The following SPINDOC variants were observed in gnomAD, a reference collection of about 807,000 sequenced individuals.
SPINDOC encodes spindlin interactor and repressor of chromatin-binding protein.
Under a neutral mutation model 30.7 loss-of-function variants are expected in SPINDOC, and 13 were observed. That is an observed-to-expected ratio of 0.42 (90% CI 0.28 to 0.67). The LOEUF is 0.67. SPINDOC is among the 30% of genes least tolerant of loss of function. The pLI is 0.22. For synonymous variants in SPINDOC, 228 were observed against 211.4 expected (o/e 1.08, Z -0.68); for missense variants, 438 against 518.0 (o/e 0.85, Z 1.50).
At chr11:63,814,529 G>T (rs1002336767) in intron 1 of SPINDOC, among the ~76,000 whole-genome samples, 3 of 152,136 alleles carry the variant, frequency 2.0e-5, no homozygotes, top group African/African-American at 7.2e-5. Flanking sequence ...TAGTCCTCAG[G>T]AGCTTGCAAA....
intron 5 of SPINDOC, among the ~76,000 whole-genome samples, chr11:63,821,622 G>A (rs1444229577): frequency 6.6e-6 from 1 of 152,214 alleles, no homozygotes. Flanking sequence ...TCTTGAAGAA[G>A]TGAATAGGTA....
At chr11:63,824,640 C>T (rs748440059) in intron 5 of SPINDOC, among the ~76,000 whole-genome samples, 5 of 151,992 alleles carry the variant, frequency 3.3e-5, no homozygotes, top group Non-Finnish European at 5.9e-5. Context: ...CCCACCTTGG[C>T]TGCTCCTTCC....
chr11:63,816,359 A>G (rs150320958), intron 1 of SPINDOC, among the ~76,000 whole-genome samples: 7,953 of 152,314 alleles, frequency 0.052, 317 homozygotes, highest in South Asian at 0.15. Context: ...GGTGATCGGC[A>G]GAGGATGAAG....
At position 63,818,865 on chromosome 11, in the gene SPINDOC, C is replaced by A. The variant is rs2015426951; in HGVS notation, c.797C>A (p.Thr266Asn). 6.2e-7 allele frequency: 1 copy of A among 1,614,016 alleles called. No homozygotes were observed. The highest frequency in any genetic ancestry group is 1.7e-5 in the Admixed American group (1 of 60,012). The change falls in exon 5 of 6, where the codon ACT (threonine) becomes AAT (asparagine). Residue 266 changes from threonine to asparagine, a missense_variant. Transcript: ENST00000294244. The surrounding 1 kb of genome is among the most constrained non-coding windows in gnomAD (Gnocchi z 5.3). ...GCACCAGCCGAGGTCCGACACTTCA[C>A]TGACGGCAGCTTCCCCGCCGGCTTC... is the stretch of plus-strand genomic sequence containing the variant. ...FAAPAEVRHF[T>N]DGSFPAGFVL...
In SPINDOC at chr11:63,818,980, C is replaced by T; in HGVS notation, c.912C>T (p.Pro304=). The change falls in exon 5 of 6, where the codon CCC becomes CCT. Residue 304 remains proline (P), a synonymous_variant. Coordinates refer to ENST00000294244, the MANE Select transcript of SPINDOC (RefSeq NM_138471.3). The surrounding 1 kb of genome is among the most constrained non-coding windows in gnomAD (Gnocchi z 5.3). The part of the protein sequence containing the change: ...KDREVAEGGL[P]RAESPSPAPP... ...GGGAAGTGGCAGAAGGAGGCCTTCC[C>T]CGGGCGGAGAGCCCCTCTCCAGGTG... 1 of 1,613,892 alleles carries T rather than the reference C, an allele frequency of 6.2e-7. No individual in the cohort carries two copies. The highest frequency in any genetic ancestry group is 1.7e-4 in the Middle Eastern group (1 of 6,060).
At chr11:63,823,160 T>G (rs931356157) in intron 5 of SPINDOC, 2 of 1,288,968 alleles carry the variant, frequency 1.6e-6, no homozygotes, top group African/African-American at 3.0e-5. Flanking sequence ...GCAGTAAATC[T>G]TTAAAAACCA....
At position 63,818,208 on chromosome 11, in the gene SPINDOC, C is replaced by G; in HGVS notation, c.458-8C>G. 1 of 1,614,074 alleles carries G rather than the reference C, an allele frequency of 6.2e-7. No individual in the cohort carries two copies. The highest frequency in any genetic ancestry group is 8.5e-7 in the Non-Finnish European group (1 of 1,180,000). ...ACTAGAAGCTCATTGTGCTCTTGCTCCCTGCAGACTCGGGCCAGGATGCCC... is the reference window on the plus strand; with the variant it reads ...ACTAGAAGCTCATTGTGCTCTTGCTGCCTGCAGACTCGGGCCAGGATGCCC... On this transcript the variant is annotated splice_region_variant and splice_polypyrimidine_tract_variant and intron_variant, in intron 2 of 5. Coordinates refer to ENST00000294244, the MANE Select transcript of SPINDOC (RefSeq NM_138471.3). This position sits in a 1 kb window ranked among gnomAD's most constrained non-coding sequence, Gnocchi z 5.3.
rs558228643 is a variant in SPINDOC, at chr11:63,821,203, C to T, written c.934+2201C>T. ...ATCTATTTTCTTGACTTGCCCAGCT[C>T]CTAGAGGCTGCCTGCATTTCTTGGC... On this transcript the variant is annotated intron_variant, in intron 5 of 5. Transcript: ENST00000294244. Among the ~76,000 whole-genome samples, 10 of 152,250 alleles carry T rather than the reference C, an allele frequency of 6.6e-5. No individual in the cohort carries two copies. In the East Asian group the frequency reaches 9.6e-4, roughly 15 times the overall value.
chr11:63,827,581 A>C lies in SPINDOC; in HGVS notation c.*442A>C. ...CAGGCTTCTAAACCAGGAGGCCTCC[A>C]TTACCTCTTCCTGTCCCACCCCTGC... On this transcript the variant is annotated 3_prime_UTR_variant, in exon 6 of 6. Transcript: ENST00000294244. 4.6e-6 allele frequency: 1 copy of C among 216,182 alleles called. No homozygotes were observed. Among genetic ancestry groups the C allele is most frequent in the Non-Finnish European group, 9.4e-6 (1 of 105,824 alleles). The allele number at this position is 216,182 out of a possible 1,614,324, so 13.4% of individuals were successfully genotyped here.
At chr11:63,824,458 A>G (rs553353801) in intron 5 of SPINDOC, among the ~76,000 whole-genome samples, 1 of 152,236 alleles carries the variant, frequency 6.6e-6, no homozygotes, top group African/African-American at 2.4e-5. Flanking sequence ...GTCCTGCACT[A>G]TAATATCTGC....
rs763893784 is a variant in SPINDOC at position 63,817,791 on chromosome 11, C to A, written c.128-14C>A. On this transcript the variant is annotated splice_polypyrimidine_tract_variant and intron_variant, in intron 1 of 5. Coordinates refer to ENST00000294244, the MANE Select transcript of SPINDOC (RefSeq NM_138471.3). ...CACCTTTAGTGATAACACCCTCCCC[C>A]TCTCCCCTCGCAGTGACCCAACAGG... is the stretch of plus-strand genomic sequence containing the variant. 2.4e-5 allele frequency: 37 copies of A among 1,544,382 alleles called. No homozygotes were observed. The highest frequency in any genetic ancestry group is 3.0e-5 in the Non-Finnish European group (34 of 1,143,356).
Position 63,818,667 on chromosome 11 carries a change from C to CG in SPINDOC, c.733+20dup. 6.2e-7 allele frequency: 1 copy of CG among 1,613,180 alleles called. No individual in the cohort carries two copies. The stretch of plus-strand genomic sequence containing the variant: ...CCCTGACCCAGGTGAAGGGGAGGCC[C>CG]GGGGGAGGCGTGGGCTCTGGCCGCA... On this transcript the variant is annotated intron_variant, in intron 4 of 5. Coordinates refer to ENST00000294244, the MANE Select transcript of SPINDOC (RefSeq NM_138471.3). This position sits in a 1 kb window ranked among gnomAD's most constrained non-coding sequence, Gnocchi z 5.3.
chr11:63,823,806 G>T (rs2015589382), intron 5 of SPINDOC, among the ~76,000 whole-genome samples: 1 of 152,006 alleles, frequency 6.6e-6, no homozygotes, highest in South Asian at 2.1e-4. Flanking sequence ...CACTGTGTTA[G>T]CCAGGATGGT....
chr11:63,822,965 T>C, intron 5 of SPINDOC: 1 of 1,136,454 alleles, frequency 8.8e-7, no homozygotes, highest in Non-Finnish European at 1.2e-6. Flanking sequence ...GCGGAGGCAA[T>C]TGTAGGGTGT....
At chr11:63,826,888 T>TG (rs772214848) in intron 5 of SPINDOC, 40 bp from the exon 6 acceptor site, 40 of 1,023,412 alleles carry the variant, frequency 3.9e-5, no homozygotes, top group Non-Finnish European at 5.7e-5. Flanking sequence ...GTGGGGTGTC[T>TG]GGGGGGCTCT....
chr11:63,818,245 G>T lies in SPINDOC; in HGVS notation c.487G>T (p.Asp163Tyr). Residue 163 changes from aspartate (D) to tyrosine (Y), a missense_variant, in exon 3 of 6, where the codon GAC (aspartate) becomes TAC (tyrosine). Around this residue, in one of 3 missense-constraint regions of SPINDOC, gnomAD observed 300 missense variants for 332.8 expected, o/e 0.90. Coordinates refer to ENST00000294244, the MANE Select transcript of SPINDOC (RefSeq NM_138471.3). The surrounding 1 kb of genome is among the most constrained non-coding windows in gnomAD (Gnocchi z 5.3). ...GGGCCAGGATGCCCACCCAGACCCA[G>T]ACGCCAACCCAGACGCTGCCAGAAT... is the stretch of plus-strand genomic sequence containing the variant. ...DSGQDAHPDP[D>Y]ANPDAARMPA... The T allele has an allele frequency of 6.2e-7, 1 of 1,613,990 alleles. No homozygotes were observed. Among genetic ancestry groups the T allele is most frequent in the Non-Finnish European group, 8.5e-7 (1 of 1,179,988 alleles).
rs1163079351 is a variant in SPINDOC, at chr11:63,818,625, A to G, written c.706A>G (p.Met236Val). The change falls in exon 4 of 6, where the codon ATG (methionine) becomes GTG (valine). Residue 236 changes from methionine to valine, a missense_variant. Met to Val is a conservative substitution (Grantham distance 21). This residue lies in a region of SPINDOC where 300 missense variants were observed against 332.8 expected (regional missense o/e 0.90). Transcript: ENST00000294244. The surrounding 1 kb of genome is among the most constrained non-coding windows in gnomAD (Gnocchi z 5.3). The part of the protein sequence containing the change: ...EPVRKKRGRP[M>V]TKNLDPDPEP... Reference sequence around the variant, plus strand: ...AGTCAGAAAGAAAAGAGGCAGACCTATGACCAAAAACCTGGACCCTGACCC... The same window carrying G: ...AGTCAGAAAGAAAAGAGGCAGACCTGTGACCAAAAACCTGGACCCTGACCC... 1 of 1,613,776 alleles carries G rather than the reference A, an allele frequency of 6.2e-7. No homozygotes were observed. The highest frequency in any genetic ancestry group is 1.1e-5 in the South Asian group (1 of 91,078).
chr11:63,814,173 C>A (rs1480084004), intron 1 of SPINDOC, among the ~76,000 whole-genome samples: 1 of 152,230 alleles, frequency 6.6e-6, no homozygotes, highest in Non-Finnish European at 1.5e-5. Context: ...GTCTCACAGC[C>A]TGGGAAGGGG....
intron 5 of SPINDOC, among the ~76,000 whole-genome samples, chr11:63,825,867 C>G (rs184012031): frequency 6.6e-6 from 1 of 152,200 alleles, no homozygotes; most frequent in East Asian, 1.9e-4. Context: ...GGAACACACA[C>G]AAATAAATCC....
Sources: allele counts gnomAD v4.1 joint callset (sites outside exome capture counted in the v4.1 genomes callset), GRCh38; gene constraint gnomAD v4.1.1; regional missense constraint gnomAD v4.1.1; non-coding constraint Gnocchi (gnomAD v3.1); transcripts MANE v1.5; gene names NCBI Gene and HGNC (gene_info 2026-07-23, HGNC 2026-07-21).